The following GHR variants were observed in gnomAD, a reference collection of about 807,000 sequenced individuals.
The protein encoded by GHR is GH receptor.
Under a neutral mutation model 67.1 loss-of-function variants are expected in GHR, and 35 were observed. The observed-to-expected ratio is 0.52, with a 90% CI of 0.40 to 0.69. GHR has a LOEUF of 0.69. Ranked by LOEUF, GHR falls within the 30% of genes least tolerant of loss-of-function variation. GHR has a pLI of 0.00. For synonymous variants in GHR, 272 were observed against 269.1 expected, an observed-to-expected ratio of 1.01 and a Z score of -0.10; for missense variants, 792 against 764.6, an observed-to-expected ratio of 1.04 and a Z score of -0.42.
intron 1 of GHR, among the ~76,000 whole-genome samples, chr5:42,473,619 CT>C (rs1406892117): frequency 3.3e-5 from 5 of 152,188 alleles, no homozygotes; most frequent in Admixed American, 2.0e-4. Context: ...TGGATCACGC[CT>C]GTAATCCCAG....
At chr5:42,498,040 A>G (rs895927223) in intron 1 of GHR, among the ~76,000 whole-genome samples, 16 of 152,162 alleles carry the variant, frequency 1.1e-4, no homozygotes, top group African/African-American at 3.4e-4. Flanking sequence ...GCGTTAGAAG[A>G]GCATTTGGAT....
chr5:42,465,444 A>C (rs1025642065), intron 1 of GHR: 18 of 1,577,896 alleles, frequency 1.1e-5, no homozygotes, highest in Non-Finnish European at 1.6e-5. Context: ...CACTCATCCA[A>C]AGTCATCTCT....
intron 1 of GHR, among the ~76,000 whole-genome samples, chr5:42,473,334 A>T (rs955918332): frequency 2.6e-5 from 4 of 152,104 alleles, no homozygotes; most frequent in African/African-American, 7.2e-5. Flanking sequence ...AGGTTCAAAC[A>T]ATTCTCTTGA....
In GHR at chr5:42,689,271, C is replaced by A. The variant is rs1463579981; in HGVS notation, c.266+252C>A. ...GTCTCATGGAGATTTCCTTCCAATG[C>A]AGGGAGACAGGCAATAAAAATTGAA... is the stretch of plus-strand genomic sequence containing the variant. On this transcript the variant is annotated intron_variant, in intron 4 of 9. Coordinates refer to ENST00000230882, the MANE Select transcript of GHR (RefSeq NM_000163.5). 5.3e-5 allele frequency among the ~76,000 whole-genome samples: 8 copies of A among 152,176 alleles called. No individual in the cohort carries two copies. In the South Asian group the frequency reaches 1.7e-3, roughly 32 times the overall value.
chr5:42,482,869 G>A (rs991311588), intron 1 of GHR, among the ~76,000 whole-genome samples: 10 of 152,162 alleles, frequency 6.6e-5, no homozygotes, highest in Non-Finnish European at 7.3e-5. Context: ...GCTCGCACTC[G>A]GTGTGCTGCA....
chr5:42,688,894 T>C lies in GHR; in HGVS notation c.141T>C (p.Ser47=). 1 of 1,613,920 alleles carries C rather than the reference T, an allele frequency of 6.2e-7. No individual in the cohort carries two copies. The highest frequency in any genetic ancestry group is 8.5e-7 in the Non-Finnish European group (1 of 1,179,812). The change falls in exon 4 of 10, where the codon TCT becomes TCC. Residue 47 remains serine (S), a synonymous_variant. Coordinates refer to ENST00000230882, the MANE Select transcript of GHR (RefSeq NM_000163.5). ...CCTTTTCTTTTTATTCTGCAGATTC[T>C]TCTAAGGAGCCTAAATTCACCAAGT... ...QSVNPGLKTN[S]SKEPKFTKCR...
At chr5:42,428,462 T>C (rs1310738837) in intron 1 of GHR, among the ~76,000 whole-genome samples, 1 of 152,234 alleles carries the variant, frequency 6.6e-6, no homozygotes, top group African/African-American at 2.4e-5. Flanking sequence ...TTCCCTATTG[T>C]CTTGGTGACC....
chr5:42,710,997 T>C (rs1758427805), intron 6 of GHR, among the ~76,000 whole-genome samples: 1 of 152,188 alleles, frequency 6.6e-6, no homozygotes, highest in South Asian at 2.1e-4. Flanking sequence ...TTTGGGTTTA[T>C]GCCAAACTAA....
intron 2 of GHR, among the ~76,000 whole-genome samples, chr5:42,588,971 T>G (rs1163581626): frequency 6.6e-6 from 1 of 152,176 alleles, no homozygotes; most frequent in Non-Finnish European, 1.5e-5. Context: ...TTCACCGAAA[T>G]TGAAAAACAT....
intron 1 of GHR, among the ~76,000 whole-genome samples, chr5:42,492,998 G>C (rs1312323356): frequency 6.6e-6 from 1 of 152,224 alleles, no homozygotes; most frequent in Non-Finnish European, 1.5e-5. Flanking sequence ...TAACAGGAAT[G>C]TGTAATGGGA....
At chr5:42,697,556 G>A (rs7444304) in intron 5 of GHR, among the ~76,000 whole-genome samples, 4 of 15,436 alleles carry the variant, frequency 2.6e-4, no homozygotes, top group African/African-American at 4.7e-4. Context: ...AAGGGGGCAC[G>A]CCAGAAGAAA....
chr5:42,675,716 TA>T (rs1464866567), intron 3 of GHR, among the ~76,000 whole-genome samples: 8 of 152,336 alleles, frequency 5.3e-5, no homozygotes, highest in Non-Finnish European at 1.2e-4. Flanking sequence ...GTTTAAATGA[TA>T]AATGCCAATA....
chr5:42,577,834 G>A (rs185577317), intron 2 of GHR, among the ~76,000 whole-genome samples: 13 of 152,246 alleles, frequency 8.5e-5, no homozygotes, highest in East Asian at 1.9e-4. Flanking sequence ...CCAACAGTTC[G>A]GAATCAAACC....
rs140328867 is a variant in GHR, at chr5:42,641,050, C to T, written c.136+11947C>T. Among the ~76,000 whole-genome samples the T allele has an allele frequency of 3.3e-4, 51 of 152,260 alleles. No individual in the cohort carries two copies. The East Asian group carries it at 5.0e-3, about 15-fold the overall frequency. ...GCAATTAATTGCTTCAAATTCTTTA[C>T]TCAGGGCTGCCCTTAGTCATGATCA... On this transcript the variant is annotated intron_variant, in intron 3 of 9. Transcript: ENST00000230882.
chr5:42,442,198 G>C (rs1172183805), intron 1 of GHR, among the ~76,000 whole-genome samples: 1 of 152,166 alleles, frequency 6.6e-6, no homozygotes, highest in African/African-American at 2.4e-5. Flanking sequence ...GATCATTTCA[G>C]ATATTTGAGG....
Position 42,565,868 on chromosome 5 carries a change from T to C in GHR, c.-7T>C, listed in dbSNP as rs185241673. The C allele has an allele frequency of 1.2e-6, 2 of 1,613,936 alleles. No individual in the cohort carries two copies. Among genetic ancestry groups the C allele is most frequent in the East Asian group, 2.2e-5 (1 of 44,880 alleles). Reference sequence around the variant, plus strand: ...TTACCCTTTTTGTGATTGCAGGTCCTACAGGTATGGATCTCTGGCAGCTGC... The same window carrying C: ...TTACCCTTTTTGTGATTGCAGGTCCCACAGGTATGGATCTCTGGCAGCTGC... On this transcript the variant is annotated 5_prime_UTR_variant, in exon 2 of 10. Coordinates refer to ENST00000230882, the MANE Select transcript of GHR (RefSeq NM_000163.5).
chr5:42,590,250 T>C (rs1328463329), intron 2 of GHR, among the ~76,000 whole-genome samples: 2 of 152,214 alleles, frequency 1.3e-5, no homozygotes, highest in East Asian at 3.8e-4. Context: ...TAGAGACAAC[T>C]TCTACTTTCA....
intron 1 of GHR, among the ~76,000 whole-genome samples, chr5:42,556,318 A>G (rs1278158315): frequency 1.3e-5 from 2 of 152,160 alleles, no homozygotes; most frequent in Non-Finnish European, 2.9e-5. Flanking sequence ...AAGATAATGA[A>G]TGTTTTTGTT....
chr5:42,498,980 A>G (rs1746429605), intron 1 of GHR, among the ~76,000 whole-genome samples: 1 of 152,196 alleles, frequency 6.6e-6, no homozygotes, highest in Admixed American at 6.5e-5. Flanking sequence ...AACTTGATAG[A>G]ATAAAGATTA....
Sources: allele counts gnomAD v4.1 joint callset (sites outside exome capture counted in the v4.1 genomes callset), GRCh38; gene constraint gnomAD v4.1.1; transcripts MANE v1.5; gene names NCBI Gene and HGNC (gene_info 2026-07-23, HGNC 2026-07-21).